The following KIDINS220 variants were observed in gnomAD, a reference collection of about 807,000 sequenced individuals.
KIDINS220 encodes the protein kinase D interacting substrate 220, also known as kinase D-interacting substrate of 220 kDa.
KIDINS220 carries 63 observed loss-of-function variants against 157.6 expected under a neutral mutation model. The ratio of observed to expected loss-of-function variants is 0.40; its 90% confidence interval spans 0.33 to 0.49. The LOEUF (loss-of-function observed/expected upper bound fraction) is 0.49. KIDINS220 is among the 20% of genes least tolerant of loss of function. The pLI is 0.66. For synonymous variants in KIDINS220, 732 were observed against 783.6 expected, an observed-to-expected ratio of 0.93 and a Z score of 1.10; for missense variants, 1,772 against 2,171.2, an observed-to-expected ratio of 0.82 and a Z score of 3.65.
In KIDINS220 at chr2:8,729,016, C is replaced by T; in HGVS notation, c.*1704G>A. The T allele has an allele frequency of 1.0e-6, 1 of 979,842 alleles. No individual in the cohort carries two copies. Among genetic ancestry groups the T allele is most frequent in the Non-Finnish European group, 1.2e-6 (1 of 824,508 alleles). 60.7% of individuals were successfully genotyped at this position (979,842 alleles called of 1,614,324 possible). On this transcript the variant is annotated 3_prime_UTR_variant, in exon 30 of 30. Transcript: ENST00000256707. ...TCACAAACAGTATAAAGAATGTACTCCAATGATATTACGCGGCAACTACTC... is the reference window on the plus strand; with the variant it reads ...TCACAAACAGTATAAAGAATGTACTTCAATGATATTACGCGGCAACTACTC...
At chr2:8,770,542 A>T in intron 22 of KIDINS220, 128 bp downstream of exon 22, 1 of 496,252 alleles carries the variant, frequency 2.0e-6, no homozygotes, top group Non-Finnish European at 3.4e-6. Flanking sequence ...GGAATTAATA[A>T]GAATGATTAA....
chr2:8,791,888 G>GA (rs566044253), intron 12 of KIDINS220, among the ~76,000 whole-genome samples: 7 of 150,978 alleles, frequency 4.6e-5, no homozygotes, highest in South Asian at 2.1e-4. Context: ...TGTAAGAATA[G>GA]AAAAAAAAAT....
intron 6 of KIDINS220, among the ~76,000 whole-genome samples, chr2:8,811,115 A>C (rs189561693): frequency 6.6e-6 from 1 of 152,326 alleles, no homozygotes; most frequent in Admixed American, 6.5e-5. Flanking sequence ...GTTAAACAAT[A>C]CTGTTGTACT....
Position 8,750,341 on chromosome 2 carries a change from A to G in KIDINS220, c.3191-6T>C, listed in dbSNP as rs1255357849. 1.3e-6 allele frequency: 2 copies of G among 1,532,034 alleles called. No individual in the cohort carries two copies. The allele number at this position is 1,532,034 out of a possible 1,614,324, so 94.9% of individuals were successfully genotyped here. A position where few individuals can be genotyped will look rare whatever the true frequency, so the allele number is the denominator to read the frequency against. On this transcript the variant is annotated splice_region_variant and splice_polypyrimidine_tract_variant and intron_variant, in intron 23 of 29. Transcript: ENST00000256707. ...CTCTCTGGCAGCACGAACATCTGAA[A>G]GATTCAATCAGACCCCAGAAGGCAA...
intron 17 of KIDINS220, among the ~76,000 whole-genome samples, chr2:8,782,566 G>GGGTTC (rs1268009395): frequency 6.6e-6 from 1 of 152,152 alleles, no homozygotes; most frequent in Non-Finnish European, 1.5e-5. Flanking sequence ...CAGGCCCAGA[G>GGGTTC]GGTTCACTAA....
At position 8,807,356 on chromosome 2, in the gene KIDINS220, A is replaced by G. The variant is rs73916010; in HGVS notation, c.505-987T>C. 2.4e-3 allele frequency among the ~76,000 whole-genome samples: 367 copies of G among 152,278 alleles called. 1 individual carries two copies. Among genetic ancestry groups the G allele is most frequent in the African/African-American group, 8.5e-3 (352 of 41,540 alleles). ...TCCACAGTGACCTTTCAGTACATGG[A>G]GCCCACAGATAATTTAATTTAATCT... On this transcript the variant is annotated intron_variant, in intron 6 of 29. Transcript: ENST00000256707.
At chr2:8,801,812 A>G (rs1322320288) in intron 8 of KIDINS220, among the ~76,000 whole-genome samples, 1 of 152,166 alleles carries the variant, frequency 6.6e-6, no homozygotes, top group Non-Finnish European at 1.5e-5. Flanking sequence ...AGGCTAAGGC[A>G]AGGAGGATCG....
intron 12 of KIDINS220, among the ~76,000 whole-genome samples, chr2:8,792,536 A>G (rs1673339415): frequency 6.6e-6 from 1 of 152,262 alleles, no homozygotes; most frequent in South Asian, 2.1e-4. Context: ...ATATATTACA[A>G]GATCTCAATT....
intron 11 of KIDINS220, 152 bp from the exon 12 acceptor site, chr2:8,794,139 C>T (rs956184298): frequency 5.6e-6 from 3 of 531,942 alleles, no homozygotes; most frequent in Admixed American, 7.5e-5. Flanking sequence ...TTATCTCTAT[C>T]TTCCCCATAA....
rs1378232060 is a variant in KIDINS220, at chr2:8,734,648, A to G, written c.3816+7T>C. 6.4e-7 allele frequency: 1 copy of G among 1,553,250 alleles called. No individual in the cohort carries two copies. The highest frequency in any genetic ancestry group is 1.7e-5 in the Admixed American group (1 of 58,954). Reference sequence around the variant, plus strand: ...TTGTAAACATCACAATGTTACAAATATCTTACTGTGCTTCTGAAAAGGTGC... The same window carrying G: ...TTGTAAACATCACAATGTTACAAATGTCTTACTGTGCTTCTGAAAAGGTGC... On this transcript the variant is annotated splice_region_variant and intron_variant, in intron 28 of 29. Coordinates refer to ENST00000256707, the MANE Select transcript of KIDINS220 (RefSeq NM_020738.4).
chr2:8,826,893 G>C, intron 2 of KIDINS220, 93 bp downstream of exon 2: 1 of 641,272 alleles, frequency 1.6e-6, no homozygotes, highest in Non-Finnish European at 2.8e-6. Flanking sequence ...CTAAGGGTTA[G>C]AACTACCTAT....
chr2:8,783,659 C>T (rs1247043798), intron 17 of KIDINS220, among the ~76,000 whole-genome samples: 1 of 152,110 alleles, frequency 6.6e-6, no homozygotes, highest in African/African-American at 2.4e-5. Context: ...AAAAGTTGAT[C>T]ACTTTCCTAT....
At position 8,729,451 on chromosome 2, in the gene KIDINS220, T is replaced by C; in HGVS notation, c.*1269A>G. 1.0e-6 allele frequency: 1 copy of C among 985,446 alleles called. No individual in the cohort carries two copies. Among genetic ancestry groups the C allele is most frequent in the East Asian group, 1.1e-4 (1 of 8,818 alleles). The allele number at this position is 985,446 out of a possible 1,614,324, so 61.0% of individuals were successfully genotyped here. A position where few individuals can be genotyped will look rare whatever the true frequency, so the allele number is the denominator to read the frequency against. On this transcript the variant is annotated 3_prime_UTR_variant, in exon 30 of 30. Transcript: ENST00000256707. ...TTCATTCTACATAAATGAGCTATGTTAAAACGATAACAATATTTCATTGCA... is the reference window on the plus strand; with the variant it reads ...TTCATTCTACATAAATGAGCTATGTCAAAACGATAACAATATTTCATTGCA...
At chr2:8,734,186 C>A (rs372395665) in intron 28 of KIDINS220, among the ~76,000 whole-genome samples, 1 of 147,998 alleles carries the variant, frequency 6.8e-6, no homozygotes, top group Non-Finnish European at 1.5e-5. Context: ...CTTGGTACGC[C>A]GATGGCCAGG....
chr2:8,770,632 TA>T, intron 22 of KIDINS220, 37 bp downstream of exon 22: 1 of 1,201,078 alleles, frequency 8.3e-7, no homozygotes, highest in Non-Finnish European at 1.2e-6. Context: ...TAACTCAACC[TA>T]AAATAAAGTA....
intron 22 of KIDINS220, chr2:8,757,423 T>C: frequency 8.0e-7 from 1 of 1,257,006 alleles, no homozygotes; most frequent in Non-Finnish European, 1.0e-6. Context: ...CTTACAGCTT[T>C]AACCTTTAGT....
intron 15 of KIDINS220, among the ~76,000 whole-genome samples, chr2:8,786,615 G>A (rs1355453537): frequency 6.6e-6 from 1 of 152,056 alleles, no homozygotes; most frequent in Admixed American, 6.6e-5. Flanking sequence ...CTAAGGACAG[G>A]CGGGGGAAAG....
intron 22 of KIDINS220, among the ~76,000 whole-genome samples, chr2:8,768,485 A>G (rs1487932747): frequency 6.6e-6 from 1 of 152,210 alleles, no homozygotes; most frequent in East Asian, 1.9e-4. Context: ...CAATTTCACC[A>G]AACACCAAGA....
At chr2:8,792,923 G>A (rs1673403252) in intron 12 of KIDINS220, among the ~76,000 whole-genome samples, 1 of 152,176 alleles carries the variant, frequency 6.6e-6, no homozygotes, top group South Asian at 2.1e-4. Context: ...TTCACCAATA[G>A]CGAACTCAAT....
Sources: gnomAD v4.1 joint callset for allele counts (sites outside exome capture counted in the v4.1 genomes callset) on GRCh38, gnomAD v4.1.1 for gene constraint, MANE v1.5 for transcripts, NCBI Gene and HGNC (gene_info 2026-07-23, HGNC 2026-07-21) for gene names.